The following PPARGC1A variants were observed in gnomAD, a reference collection of about 807,000 sequenced individuals.
The protein encoded by PPARGC1A is PPARG coactivator 1 alpha.
PPARGC1A carries 25 observed loss-of-function variants against 88.7 expected under a neutral mutation model. The observed-to-expected ratio is 0.28, with a 90% confidence interval of 0.21 to 0.39. PPARGC1A has a LOEUF of 0.39. Among genes scored for constraint, PPARGC1A ranks in the 10% least tolerant of loss-of-function variants. PPARGC1A has a pLI of 1.00. For synonymous variants in PPARGC1A, 363 were observed against 355.6 expected, an observed-to-expected ratio of 1.02 and a Z score of -0.24; for missense variants, 880 against 968.7, an observed-to-expected ratio of 0.91 and a Z score of 1.22.
At chr4:24,436,437 G>A in the PPARGC1A span, among the ~76,000 whole-genome samples, 1 of 152,082 alleles carries the variant, frequency 6.6e-6, no homozygotes, top group African/African-American at 2.4e-5. Flanking sequence ...CCTGGTCACA[G>A]AGCTGACATC....
At chr4:24,119,312 T>C in the PPARGC1A span, among the ~76,000 whole-genome samples, 1 of 152,230 alleles carries the variant, frequency 6.6e-6, no homozygotes, top group Admixed American at 6.5e-5. Flanking sequence ...AATGCTATCC[T>C]GTCACCAGAA....
chr4:23,939,152 A>G, the PPARGC1A span, among the ~76,000 whole-genome samples: 3 of 152,214 alleles, frequency 2.0e-5, no homozygotes, highest in Non-Finnish European at 2.9e-5. Flanking sequence ...GAAGAACATG[A>G]CTACATCTTA....
the PPARGC1A span, among the ~76,000 whole-genome samples, chr4:24,361,684 G>T: frequency 6.6e-6 from 1 of 152,236 alleles, no homozygotes; most frequent in Non-Finnish European, 1.5e-5. Context: ...ATTTTTAAAG[G>T]CAAGATATCC....
chr4:23,952,027 C>T, the PPARGC1A span, among the ~76,000 whole-genome samples: 4 of 152,150 alleles, frequency 2.6e-5, no homozygotes, highest in South Asian at 4.1e-4. Context: ...CCCTGGCCCA[C>T]GGTCACTCTG....
chr4:24,155,606 A>T, the PPARGC1A span, among the ~76,000 whole-genome samples: 1 of 152,074 alleles, frequency 6.6e-6, no homozygotes, highest in East Asian at 1.9e-4. Context: ...GTCAAAAAAA[A>T]AAAAAATACA....
chr4:24,167,642 C>T, the PPARGC1A span, among the ~76,000 whole-genome samples: 2 of 152,178 alleles, frequency 1.3e-5, no homozygotes, highest in Admixed American at 1.3e-4. Flanking sequence ...CCTGATCAGT[C>T]AGCAAATATC....
the PPARGC1A span, among the ~76,000 whole-genome samples, chr4:24,112,789 G>A: frequency 6.6e-6 from 1 of 152,224 alleles, no homozygotes; most frequent in Admixed American, 6.5e-5. Flanking sequence ...AAATTTAAAT[G>A]TGCTCATTAT....
At chr4:23,925,524 G>A in the PPARGC1A span, among the ~76,000 whole-genome samples, 2,035 of 152,218 alleles carry the variant, frequency 0.013, 40 homozygotes, top group African/African-American at 0.045. Context: ...TATAAGTGCC[G>A]CTCAAAATAA....
At chr4:24,169,725 G>A in the PPARGC1A span, among the ~76,000 whole-genome samples, 2 of 152,008 alleles carry the variant, frequency 1.3e-5, no homozygotes, top group African/African-American at 4.8e-5. Flanking sequence ...TAAAAATTAG[G>A]GAACATTGTG....
chr4:23,935,894 A>T, the PPARGC1A span, among the ~76,000 whole-genome samples: 1 of 152,158 alleles, frequency 6.6e-6, no homozygotes, highest in African/African-American at 2.4e-5. Context: ...AAAATTGCTA[A>T]GTTGGTTAAC....
At chr4:24,082,206 TC>T in the PPARGC1A span, among the ~76,000 whole-genome samples, 1 of 152,168 alleles carries the variant, frequency 6.6e-6, no homozygotes, top group African/African-American at 2.4e-5. Context: ...TGCCCCTGAG[TC>T]CCAAGTAAAT....
the PPARGC1A span, among the ~76,000 whole-genome samples, chr4:24,040,167 A>G: frequency 6.6e-6 from 1 of 152,174 alleles, no homozygotes; most frequent in African/African-American, 2.4e-5. Flanking sequence ...CTGACTAGGT[A>G]TCTTTGCATT....
At chr4:24,091,984 G>A in the PPARGC1A span, among the ~76,000 whole-genome samples, 2 of 150,142 alleles carry the variant, frequency 1.3e-5, no homozygotes, top group East Asian at 3.9e-4. Flanking sequence ...AATTTGCATT[G>A]TTCTGCCAGG....
the PPARGC1A span, among the ~76,000 whole-genome samples, chr4:24,208,362 T>C: frequency 6.6e-6 from 1 of 151,976 alleles, no homozygotes; most frequent in Admixed American, 6.6e-5. Context: ...AAGTTCGAAC[T>C]GCCTTCCCTC....
the PPARGC1A span, among the ~76,000 whole-genome samples, chr4:24,080,832 T>C: frequency 2.6e-5 from 4 of 152,124 alleles, no homozygotes; most frequent in Non-Finnish European, 5.9e-5. Context: ...GCCACATTGA[T>C]TTGACTCCAG....
the PPARGC1A span, among the ~76,000 whole-genome samples, chr4:24,434,534 C>G: frequency 6.6e-6 from 1 of 152,174 alleles, no homozygotes; most frequent in Non-Finnish European, 1.5e-5. Context: ...CCACAAATGG[C>G]GCTCGCGTGA....
At chr4:24,035,462 A>G in the PPARGC1A span, among the ~76,000 whole-genome samples, 1 of 152,056 alleles carries the variant, frequency 6.6e-6, no homozygotes, top group Non-Finnish European at 1.5e-5. Flanking sequence ...AATTGTTTGA[A>G]CCTGGGAGAA....
chr4:24,195,188 C>T, the PPARGC1A span, among the ~76,000 whole-genome samples: 9 of 152,148 alleles, frequency 5.9e-5, no homozygotes, highest in Non-Finnish European at 1.3e-4. Flanking sequence ...CAAATCCCAG[C>T]TCTGTTAACT....
the PPARGC1A span, among the ~76,000 whole-genome samples, chr4:24,247,399 C>T: frequency 1.6e-4 from 25 of 152,204 alleles, no homozygotes; most frequent in Middle Eastern, 6.8e-3. Context: ...TATGATAAAA[C>T]TCCGTTTACT....
Sources: gnomAD v4.1 joint callset for allele counts (sites outside exome capture counted in the v4.1 genomes callset) on GRCh38, gnomAD v4.1.1 for gene constraint, MANE v1.5 for transcripts, NCBI Gene and HGNC (gene_info 2026-07-23, HGNC 2026-07-21) for gene names.